SHC2: variants seen among roughly 807,000 people sequenced by gnomAD.
SHC2 encodes SHC adaptor protein 2.
Under a neutral mutation model 60.6 loss-of-function variants are expected in SHC2, and 62 were observed. The observed-to-expected ratio is 1.02, with a 90% CI of 0.83 to 1.26. The LOEUF is 1.26. SHC2 is among the 50% of genes most tolerant of loss of function. The probability of loss-of-function intolerance (pLI) is 0.00; values close to 1 mark genes in which losing one functional copy is unlikely to be tolerated. For synonymous variants in SHC2, 375 were observed against 372.4 expected, an observed-to-expected ratio of 1.01 and a Z score of -0.08; for missense variants, 873 against 822.2, an observed-to-expected ratio of 1.06 and a Z score of -0.76.
In SHC2 at chr19:447,923, G is replaced by T. The variant is rs377222882; in HGVS notation, c.469-6991C>A. ...ACCCTAAGGTTTTGCTAAAACCAGT[G>T]CGTGAAGGTTTGCTGGGAGCTGGGA... On this transcript the variant is annotated intron_variant, in intron 1 of 12. Transcript: ENST00000264554. 2.0e-5 allele frequency among the ~76,000 whole-genome samples: 3 copies of T among 152,352 alleles called. 1 individual carries two copies. Among genetic ancestry groups the T allele is most frequent in the Admixed American group, 2.0e-4 (3 of 15,306 alleles).
intron 1 of SHC2, among the ~76,000 whole-genome samples, chr19:456,478 C>T (rs1156719152): frequency 6.6e-6 from 1 of 152,188 alleles, no homozygotes. Flanking sequence ...CTCTGCTGCC[C>T]TTCCAGACCC....
rs1600270506 is a variant in SHC2, at chr19:421,339, G to A, written c.1620+807C>T. Among the ~76,000 whole-genome samples the A allele has an allele frequency of 2.0e-5, 3 of 147,072 alleles. 1 individual carries two copies. In the Admixed American group the frequency reaches 2.0e-4, roughly 10 times the overall value. ...CGCTTGAACGCGGGAGGCGGAGCTT[G>A]CAGTGAGCCGAGATTGCGCCATTGC... On this transcript the variant is annotated intron_variant, in intron 11 of 12. Coordinates refer to ENST00000264554, the MANE Select transcript of SHC2 (RefSeq NM_012435.3).
Position 446,609 on chromosome 19 carries a change from G to A in SHC2, c.469-5677C>T, listed in dbSNP as rs1189838938. 6.6e-6 allele frequency among the ~76,000 whole-genome samples: 1 copy of A among 152,172 alleles called. No homozygotes were observed. Among genetic ancestry groups the A allele is most frequent in the African/African-American group, 2.4e-5 (1 of 41,444 alleles). ...CGTGAGTCACCGCGCCCGGCTGTCT[G>A]TGTTGTTTTAAGCCCCACAGTTTGT... On this transcript the variant is annotated intron_variant, in intron 1 of 12. Coordinates refer to ENST00000264554, the MANE Select transcript of SHC2 (RefSeq NM_012435.3). This position sits in a 1 kb window ranked among gnomAD's most constrained non-coding sequence, Gnocchi z 5.4.
In SHC2 at chr19:440,573, G is replaced by A. The variant is rs879534741; in HGVS notation, c.539+289C>T. ...TGGGCCCCGGTCCCAGAGGGAACCCGCCAGGCCCTGCACCCCACGCCGTGC... is the reference window on the plus strand; with the variant it reads ...TGGGCCCCGGTCCCAGAGGGAACCCACCAGGCCCTGCACCCCACGCCGTGC... On this transcript the variant is annotated intron_variant, in intron 2 of 12. Transcript: ENST00000264554. This position sits in a 1 kb window ranked among gnomAD's most constrained non-coding sequence, Gnocchi z 7.0. 6.6e-6 allele frequency among the ~76,000 whole-genome samples: 1 copy of A among 152,218 alleles called. No individual in the cohort carries two copies. The highest frequency in any genetic ancestry group is 2.4e-5 in the African/African-American group (1 of 41,442).
intron 1 of SHC2, 31 bp downstream of exon 1, chr19:460,498 C>T: frequency 2.2e-6 from 2 of 896,548 alleles, no homozygotes; most frequent in Non-Finnish European, 1.3e-6. Context: ...CCGCCGCGAA[C>T]GGGCTCCCGG....
chr19:429,796 T>C (rs183207362), intron 9 of SHC2, among the ~76,000 whole-genome samples: 59 of 141,830 alleles, frequency 4.2e-4, no homozygotes, highest in African/African-American at 1.2e-3. Flanking sequence ...ATACCCAACA[T>C]GCACGGAAAC....
At position 425,008 on chromosome 19, in the gene SHC2, T is replaced by C; in HGVS notation, c.1309+89A>G. The C allele has an allele frequency of 7.8e-7, 1 of 1,278,632 alleles. No individual in the cohort carries two copies. Among genetic ancestry groups the C allele is most frequent in the Non-Finnish European group, 1.0e-6 (1 of 986,532 alleles). 79.2% of individuals were successfully genotyped at this position (1,278,632 alleles called of 1,614,324 possible). On this transcript the variant is annotated intron_variant, in intron 10 of 12. Coordinates refer to ENST00000264554, the MANE Select transcript of SHC2 (RefSeq NM_012435.3). The surrounding 1 kb of genome is among the most constrained non-coding windows in gnomAD (Gnocchi z 4.1). Reference sequence around the variant, plus strand: ...GAGCCTCCCCCATCAGACCAGGGAATCCCGTAGGGAGTGGGGGTGGGGTTG... The same window carrying C: ...GAGCCTCCCCCATCAGACCAGGGAACCCCGTAGGGAGTGGGGGTGGGGTTG...
At chr19:439,106 G>C (rs1365582399) in intron 2 of SHC2, 76 bp from the exon 3 acceptor site, 2 of 531,034 alleles carry the variant, frequency 3.8e-6, no homozygotes, top group African/African-American at 2.0e-5. Context: ...AGGGGTCAGA[G>C]AGGGCGGGGG....
rs537187659 is a variant in SHC2, at chr19:424,022, T to C, written c.1309+1075A>G. ...ACTAGGTGCTAGATGGTGTCATTAT[T>C]GTGAAGCTGAGGAGAAGCTGCTTTG... On this transcript the variant is annotated intron_variant, in intron 10 of 12. Coordinates refer to ENST00000264554, the MANE Select transcript of SHC2 (RefSeq NM_012435.3). This position sits in a 1 kb window ranked among gnomAD's most constrained non-coding sequence, Gnocchi z 4.5. 6.6e-6 allele frequency among the ~76,000 whole-genome samples: 1 copy of C among 152,298 alleles called. No individual in the cohort carries two copies. The highest frequency in any genetic ancestry group is 1.5e-5 in the Non-Finnish European group (1 of 68,016).
At chr19:442,249 G>A (rs951137878) in intron 1 of SHC2, among the ~76,000 whole-genome samples, 3 of 151,588 alleles carry the variant, frequency 2.0e-5, no homozygotes, top group African/African-American at 7.3e-5. Context: ...GTGGGTGAGT[G>A]GGTGAACGGA....
rs113755060 is a variant in SHC2 at position 458,192 on chromosome 19, C to T, written c.468+2337G>A. On this transcript the variant is annotated intron_variant, in intron 1 of 12. Coordinates refer to ENST00000264554, the MANE Select transcript of SHC2 (RefSeq NM_012435.3). The stretch of plus-strand genomic sequence containing the variant: ...GGAGGCAGACGCATGTTCCGGGGGA[C>T]GGGGAAGTGGGTTCCGGGGAGGCAG... Among the ~76,000 whole-genome samples, 6 of 48,362 alleles carry T rather than the reference C, an allele frequency of 1.2e-4. 1 individual carries two copies. The highest frequency in any genetic ancestry group is 4.4e-4 in the East Asian group (1 of 2,254). The allele number at this position is 48,362 out of a possible 152,430, so 31.7% of individuals were successfully genotyped here.
intron 9 of SHC2, among the ~76,000 whole-genome samples, chr19:428,358 A>G (rs954266291): frequency 6.6e-5 from 10 of 152,214 alleles, no homozygotes; most frequent in Admixed American, 1.3e-4. Flanking sequence ...CGGACCGTTT[A>G]AGGTCACCAC....
At chr19:459,170 C>A (rs1975471350) in intron 1 of SHC2, among the ~76,000 whole-genome samples, 1 of 152,110 alleles carries the variant, frequency 6.6e-6, no homozygotes, top group South Asian at 2.1e-4. Context: ...GTAGGGGGAC[C>A]CTTCTCAACT....
chr19:458,506 G>A (rs1204189350), intron 1 of SHC2, among the ~76,000 whole-genome samples: 3 of 144,624 alleles, frequency 2.1e-5, no homozygotes, highest in Non-Finnish European at 4.6e-5. Flanking sequence ...CAGGTTCCGG[G>A]GAGGCGGAAG....
chr19:457,881 C>T (rs113147774), intron 1 of SHC2, among the ~76,000 whole-genome samples: 12 of 152,186 alleles, frequency 7.9e-5, no homozygotes, highest in Non-Finnish European at 1.8e-4. Flanking sequence ...GAGGGCGGCC[C>T]GATGCCACCA....
rs182506353 is a variant in SHC2 at position 458,841 on chromosome 19, C to T, written c.468+1688G>A. ...GTCTTGGGGAGGCGGAAGAGGGTTC[C>T]GGGGAGGCGGAAGCGGGTCCTGGGG... On this transcript the variant is annotated intron_variant, in intron 1 of 12. Coordinates refer to ENST00000264554, the MANE Select transcript of SHC2 (RefSeq NM_012435.3). Among the ~76,000 whole-genome samples, 885 of 149,522 alleles carry T rather than the reference C, an allele frequency of 5.9e-3. 19 individuals are homozygous for T. Among genetic ancestry groups the T allele is most frequent in the East Asian group, 0.021 (105 of 5,048 alleles).
chr19:450,007 C>A (rs1306345366), intron 1 of SHC2, among the ~76,000 whole-genome samples: 1 of 152,244 alleles, frequency 6.6e-6, no homozygotes, highest in South Asian at 2.1e-4. Context: ...ACCAGTGCCG[C>A]CCTCCACCCC....
chr19:419,340 G>A (rs1974221014), intron 11 of SHC2: 2 of 391,668 alleles, frequency 5.1e-6, no homozygotes, highest in Non-Finnish European at 4.6e-6. Flanking sequence ...CTCAGAGCCT[G>A]TGAACGTGAC....
chr19:425,123 C>G lies in SHC2; in HGVS notation c.1283G>C (p.Ser428Thr). Residue 428 changes from serine (S) to threonine (T), a missense_variant, in exon 10 of 13, where the codon AGC becomes ACC. Coordinates refer to ENST00000264554, the MANE Select transcript of SHC2 (RefSeq NM_012435.3). The surrounding 1 kb of genome is among the most constrained non-coding windows in gnomAD (Gnocchi z 4.1). ...CATGTCAAACAGATCCTTTTTGGGG[C>G]TGTCCTCCGGCTCGGGGGCGTCCAG... ...QGLDAPEPED[S>T]PKKDLFDMRP... 1 of 1,406,284 alleles carries G rather than the reference C, an allele frequency of 7.1e-7. No individual in the cohort carries two copies. The allele number at this position is 1,406,284 out of a possible 1,614,324, so 87.1% of individuals were successfully genotyped here. A position where few individuals can be genotyped will look rare whatever the true frequency, so the allele number is the denominator to read the frequency against.
Sources: allele counts gnomAD v4.1 joint callset (sites outside exome capture counted in the v4.1 genomes callset), GRCh38; gene constraint gnomAD v4.1.1; non-coding constraint Gnocchi (gnomAD v3.1); transcripts MANE v1.5; gene names NCBI Gene and HGNC (gene_info 2026-07-23, HGNC 2026-07-21).